Variants in OPCML observed in about 807,000 individuals in gnomAD.
OPCML encodes opioid-binding protein/cell adhesion molecule.
A neutral mutation model predicts 37.8 loss-of-function variants in OPCML; 13 were observed. The ratio of observed to expected loss-of-function variants is 0.34; its 90% CI spans 0.22 to 0.55. The LOEUF is 0.55. Among genes scored for constraint, OPCML ranks in the 20% least tolerant of loss-of-function variants. The pLI is 0.91. For synonymous variants in OPCML, 176 were observed against 168.8 expected, an observed-to-expected ratio of 1.04 and a Z score of -0.33; for missense variants, 341 against 435.6, an observed-to-expected ratio of 0.78 and a Z score of 1.93.
rs11828607 is a variant in OPCML at position 133,338,518 on chromosome 11, C to T, written c.61+193746G>A. ...CCTCTCCTATAAAGAGGGCCAACAG[C>T]GAAACTGCCCACCACTGGCCCTTCC... On this transcript the variant is annotated intron_variant, in intron 1 of 7. Transcript: ENST00000524381. 1.5e-3 allele frequency among the ~76,000 whole-genome samples: 232 copies of T among 152,278 alleles called. 1 individual carries two copies. The highest frequency in any genetic ancestry group is 5.2e-3 in the African/African-American group (217 of 41,566).
intron 2 of OPCML, among the ~76,000 whole-genome samples, chr11:132,712,315 C>T (rs1022227871): frequency 2.0e-5 from 3 of 151,900 alleles, no homozygotes; most frequent in Non-Finnish European, 4.4e-5. Context: ...CCCCCACATC[C>T]TCCTCCCCCA....
chr11:133,168,586 A>G (rs1055272887), intron 1 of OPCML, among the ~76,000 whole-genome samples: 1 of 152,238 alleles, frequency 6.6e-6, no homozygotes, highest in African/African-American at 2.4e-5. Flanking sequence ...GGTACAGTTT[A>G]TAAAATTTAT....
At chr11:132,772,514 G>A (rs945627134) in intron 2 of OPCML, 2 of 152,250 alleles carry the variant, frequency 1.3e-5, no homozygotes, top group Non-Finnish European at 2.9e-5. Context: ...TTGTATGAAT[G>A]GAAGGAGGGC....
At chr11:133,451,475 C>T (rs572654614) in intron 1 of OPCML, among the ~76,000 whole-genome samples, 15 of 151,598 alleles carry the variant, frequency 9.9e-5, no homozygotes, top group Non-Finnish European at 2.2e-4. Context: ...GAAGTGACCA[C>T]GGCAGCTATA....
intron 1 of OPCML, among the ~76,000 whole-genome samples, chr11:133,055,233 T>A (rs111796756): frequency 1.5e-5 from 1 of 66,318 alleles, no homozygotes; most frequent in Non-Finnish European, 3.2e-5. Flanking sequence ...CTCTACCATA[T>A]AATGCTGCCT....
chr11:133,498,970 A>T (rs760139344), intron 1 of OPCML, among the ~76,000 whole-genome samples: 2 of 152,188 alleles, frequency 1.3e-5, no homozygotes, highest in South Asian at 4.1e-4. Context: ...GATGACTACA[A>T]TGAGGCACAT....
intron 1 of OPCML, among the ~76,000 whole-genome samples, chr11:133,273,310 C>T (rs1453456460): frequency 6.6e-6 from 1 of 152,044 alleles, no homozygotes; most frequent in East Asian, 1.9e-4. Flanking sequence ...ACTGCAAAAG[C>T]GACCCCTGTG....
chr11:132,435,323 G>A lies in OPCML; in HGVS notation c.916+763C>T, dbSNP rs939702172. The A allele has an allele frequency of 8.5e-5, 92 of 1,080,994 alleles. 1 individual carries two copies. Among genetic ancestry groups the A allele is most frequent in the Middle Eastern group, 7.3e-4 (3 of 4,094 alleles). The allele number at this position is 1,080,994 out of a possible 1,614,324, so 67.0% of individuals were successfully genotyped here. On this transcript the variant is annotated intron_variant, in intron 7 of 7. Coordinates refer to ENST00000524381, the MANE Select transcript of OPCML (RefSeq NM_001012393.5). ...TTGTGTCTGAGGTGCACGTGGAAAC[G>A]TGGATACCTCTCTTCATCCTTCATC...
intron 1 of OPCML, among the ~76,000 whole-genome samples, chr11:133,039,990 C>A (rs896672130): frequency 1.3e-5 from 2 of 151,862 alleles, no homozygotes; most frequent in East Asian, 3.9e-4. Flanking sequence ...GATCACACCA[C>A]TGCACTACAG....
rs552198345 is a variant in OPCML, at chr11:132,764,096, C to T, written c.147-106777G>A. On this transcript the variant is annotated intron_variant, in intron 2 of 7. Coordinates refer to ENST00000524381, the MANE Select transcript of OPCML (RefSeq NM_001012393.5). ...TGCTGGGTAGCTGATCAGCAGGAGG[C>T]ATTGATCTCCCAGCACAGAGATGTT... is the stretch of plus-strand genomic sequence containing the variant. Among the ~76,000 whole-genome samples, 13 of 152,288 alleles carry T rather than the reference C, an allele frequency of 8.5e-5. No individual in the cohort carries two copies. The South Asian group carries it at 1.4e-3, about 17-fold the overall frequency.
intron 1 of OPCML, among the ~76,000 whole-genome samples, chr11:133,335,978 G>A (rs1943736882): frequency 6.6e-6 from 1 of 152,114 alleles, no homozygotes; most frequent in South Asian, 2.1e-4. Flanking sequence ...ACAGCCACAT[G>A]TAGAGTCCAA....
chr11:133,506,056 A>G (rs1292590554), intron 1 of OPCML, among the ~76,000 whole-genome samples: 1 of 152,198 alleles, frequency 6.6e-6, no homozygotes, highest in East Asian at 1.9e-4. Context: ...TAGAATAATA[A>G]TGTCTTACAT....
intron 3 of OPCML, among the ~76,000 whole-genome samples, chr11:132,552,266 A>C (rs2096383411): frequency 6.6e-6 from 1 of 152,226 alleles, no homozygotes; most frequent in Non-Finnish European, 1.5e-5. Flanking sequence ...AGCAAGGTGC[A>C]CCCTTGTTAA....
chr11:133,359,051 G>A (rs1288338162), intron 1 of OPCML, among the ~76,000 whole-genome samples: 1 of 152,172 alleles, frequency 6.6e-6, no homozygotes, highest in African/African-American at 2.4e-5. Flanking sequence ...TGAATTATAG[G>A]AGAAGCCATC....
Position 133,206,091 on chromosome 11 carries a change from C to T in OPCML, c.62-263081G>A, listed in dbSNP as rs1939050463. The stretch of plus-strand genomic sequence containing the variant: ...GCCTACAGTTAACATTTAATAATAA[C>T]TGTATTATTCTGTAAATCAGGGTGA... On this transcript the variant is annotated intron_variant, in intron 1 of 7. Coordinates refer to ENST00000524381, the MANE Select transcript of OPCML (RefSeq NM_001012393.5). This position sits in a 1 kb window ranked among gnomAD's most constrained non-coding sequence, Gnocchi z 4.7. 6.6e-6 allele frequency among the ~76,000 whole-genome samples: 1 copy of T among 152,130 alleles called. No homozygotes were observed. Among genetic ancestry groups the T allele is most frequent in the Admixed American group, 6.5e-5 (1 of 15,276 alleles).
At chr11:132,675,121 C>T (rs1333183785) in intron 2 of OPCML, among the ~76,000 whole-genome samples, 2 of 150,692 alleles carry the variant, frequency 1.3e-5, no homozygotes. Flanking sequence ...TCGGATTTTG[C>T]CATGCCTAGA....
chr11:133,231,047 TTC>T (rs1940253641), intron 1 of OPCML, among the ~76,000 whole-genome samples: 1 of 152,158 alleles, frequency 6.6e-6, no homozygotes, highest in Non-Finnish European at 1.5e-5. Flanking sequence ...ATGTGTCAAA[TTC>T]CCCGCTAGCA....
At chr11:132,720,877 A>AT (rs1039278161) in intron 2 of OPCML, among the ~76,000 whole-genome samples, 65 of 152,148 alleles carry the variant, frequency 4.3e-4, no homozygotes, top group African/African-American at 1.4e-3. Context: ...CATGCCTGTC[A>AT]TTTTTTTCCC....
At position 132,779,559 on chromosome 11, in the gene OPCML, G is replaced by T. The variant is rs965178119; in HGVS notation, c.147-122240C>A. On this transcript the variant is annotated intron_variant, in intron 2 of 7. Coordinates refer to ENST00000524381, the MANE Select transcript of OPCML (RefSeq NM_001012393.5). ...TGAGTGATGATAGATAGACAGAAGGGGGGCGTGGGGAGAGAGAGAGAGAGA... is the reference window on the plus strand; with the variant it reads ...TGAGTGATGATAGATAGACAGAAGGTGGGCGTGGGGAGAGAGAGAGAGAGA... Among the ~76,000 whole-genome samples, 10 of 151,860 alleles carry T rather than the reference G, an allele frequency of 6.6e-5. No individual in the cohort carries two copies. In the East Asian group the frequency reaches 9.8e-4, roughly 15 times the overall value.
Sources: gnomAD v4.1 joint callset for allele counts (sites outside exome capture counted in the v4.1 genomes callset) on GRCh38, gnomAD v4.1.1 for gene constraint, Gnocchi (gnomAD v3.1) non-coding constraint, MANE v1.5 for transcripts, NCBI Gene and HGNC (gene_info 2026-07-23, HGNC 2026-07-21) for gene names.